The following CALD1 variants were observed in gnomAD, a reference collection of about 807,000 sequenced individuals.
CALD1 encodes the protein caldesmon 1, also known as caldesmon.
CALD1 carries 33 observed loss-of-function variants against 99.9 expected under a neutral mutation model. The ratio of observed to expected loss-of-function variants is 0.33; its 90% CI spans 0.25 to 0.44. CALD1 has a LOEUF of 0.44. Among genes scored for constraint, CALD1 ranks in the 20% least tolerant of loss-of-function variants. CALD1 has a pLI of 1.00. For synonymous variants in CALD1, 310 were observed against 325.0 expected (o/e 0.95, Z 0.50); for missense variants, 861 against 962.1 (o/e 0.89, Z 1.39).
intron 1 of CALD1, among the ~76,000 whole-genome samples, chr7:134,790,755 A>G (rs981976899): frequency 1.3e-5 from 2 of 152,324 alleles, no homozygotes; most frequent in African/African-American, 4.8e-5. Context: ...GGTACCAGAG[A>G]TAGTTTAACA....
rs552187555 is a variant in CALD1, at chr7:134,961,991, T to C, written c.2295+1363T>C. 15 of 151,942 alleles carry C rather than the reference T, an allele frequency of 9.9e-5. No individual in the cohort carries two copies. In the South Asian group the frequency reaches 3.1e-3, roughly 32 times the overall value. The allele number at this position is 151,942 out of a possible 1,614,324, so 9.4% of individuals were successfully genotyped here. A position where few individuals can be genotyped will look rare whatever the true frequency, so the allele number is the denominator to read the frequency against. ...GACCCTCTCCCCCAAAATATACATA[T>C]AAAAAAACAAGGCAGTCTATGGACC... On this transcript the variant is annotated intron_variant, in intron 13 of 14. Coordinates refer to ENST00000361675, the MANE Select transcript of CALD1 (RefSeq NM_033138.4).
chr7:134,827,232 C>G (rs1799033956), intron 1 of CALD1, among the ~76,000 whole-genome samples: 1 of 152,102 alleles, frequency 6.6e-6, no homozygotes, highest in African/African-American at 2.4e-5. Context: ...TAACTTGGCC[C>G]AGGCTGAAAT....
the CALD1 span, among the ~76,000 whole-genome samples, chr7:134,729,344 G>A: frequency 0.15 from 22,991 of 152,152 alleles, 1,885 homozygotes; most frequent in East Asian, 0.22. Context: ...ACTCACCCAT[G>A]GTCACCCAGC....
the CALD1 span, among the ~76,000 whole-genome samples, chr7:134,733,530 C>T: frequency 2.0e-5 from 3 of 152,158 alleles, no homozygotes; most frequent in African/African-American, 7.2e-5. Flanking sequence ...TCTGCTAGGC[C>T]GGGCGCGGTG....
chr7:134,936,982 C>A (rs1742905713), intron 6 of CALD1, among the ~76,000 whole-genome samples: 1 of 152,108 alleles, frequency 6.6e-6, no homozygotes, highest in South Asian at 2.1e-4. Flanking sequence ...CCTACAAATT[C>A]ATTTACAAAA....
chr7:134,820,249 G>A (rs372429824), intron 1 of CALD1, among the ~76,000 whole-genome samples: 130 of 152,310 alleles, frequency 8.5e-4, no homozygotes, highest in East Asian at 7.7e-4. Flanking sequence ...GATCTTGTAC[G>A]TATAGATGGA....
At chr7:134,767,408 T>G (rs1029710054) in intron 1 of CALD1, among the ~76,000 whole-genome samples, 2 of 152,360 alleles carry the variant, frequency 1.3e-5, no homozygotes, top group Middle Eastern at 6.8e-3. Flanking sequence ...AATCTCTAGC[T>G]TCTTGCCTCT....
intron 2 of CALD1, among the ~76,000 whole-genome samples, chr7:134,857,132 C>CAAAG (rs1800335259): frequency 7.1e-6 from 1 of 140,380 alleles, no homozygotes; most frequent in Non-Finnish European, 1.5e-5. Flanking sequence ...GTCAGTTGTT[C>CAAAG]AAAGATCCTA....
At chr7:134,828,896 A>T (rs1164221233) in intron 1 of CALD1, among the ~76,000 whole-genome samples, 2 of 152,184 alleles carry the variant, frequency 1.3e-5, no homozygotes, top group Non-Finnish European at 2.9e-5. Context: ...TCATTCTTTT[A>T]TTCAGAATAT....
At chr7:134,728,344 G>T in the CALD1 span, among the ~76,000 whole-genome samples, 1 of 152,162 alleles carries the variant, frequency 6.6e-6, no homozygotes, top group African/African-American at 2.4e-5. Context: ...AAGATTTATG[G>T]ACAGAAAAAG....
At chr7:134,781,649 C>G (rs192829494) in intron 1 of CALD1, among the ~76,000 whole-genome samples, 3 of 152,158 alleles carry the variant, frequency 2.0e-5, no homozygotes, top group Admixed American at 1.3e-4. Flanking sequence ...CACAAAATTC[C>G]AGAACAAAAA....
At chr7:134,782,975 G>T (rs1797166060) in intron 1 of CALD1, among the ~76,000 whole-genome samples, 1 of 152,134 alleles carries the variant, frequency 6.6e-6, no homozygotes, top group African/African-American at 2.4e-5. Flanking sequence ...GAATAAGATG[G>T]GCCATCAGTG....
chr7:134,757,597 G>C (rs11769520), intron 1 of CALD1, among the ~76,000 whole-genome samples: 63,407 of 151,896 alleles, frequency 0.42, 14,298 homozygotes, highest in East Asian at 0.73. Context: ...TAAAAATATG[G>C]AGGCCAGGTG....
intron 1 of CALD1, among the ~76,000 whole-genome samples, chr7:134,746,440 A>C (rs1796635474): frequency 6.6e-6 from 1 of 152,224 alleles, no homozygotes; most frequent in Admixed American, 6.5e-5. Context: ...TTGTTCTGGC[A>C]GTCCAAACGG....
At chr7:134,711,660 C>CTCTCTCTCTCTCTCTCTATATA in the CALD1 span, among the ~76,000 whole-genome samples, 3 of 78,350 alleles carry the variant, frequency 3.8e-5, no homozygotes, top group Admixed American at 1.4e-4. Context: ...CTCTCTCTCT[C>CTCTCTCTCTCTCTCTCTATATA]TATATATATA....
At chr7:134,776,161 T>C (rs1243999623), upstream of CALD1, among the ~76,000 whole-genome samples, 1 of 151,842 alleles carries the variant, frequency 6.6e-6, no homozygotes, top group Non-Finnish European at 1.5e-5. Context: ...ATCTAGCACA[T>C]TTTTTTAGTT....
intron 3 of CALD1, among the ~76,000 whole-genome samples, chr7:134,877,384 T>C (rs1801401747): frequency 6.6e-6 from 1 of 152,228 alleles, no homozygotes; most frequent in South Asian, 2.1e-4. Flanking sequence ...ATTACCTTTT[T>C]ATTATTAAGA....
intron 3 of CALD1, chr7:134,891,375 C>G (rs1423259236): frequency 8.0e-7 from 1 of 1,248,810 alleles, no homozygotes; most frequent in African/African-American, 1.5e-5. Flanking sequence ...TAACAATCAG[C>G]TCTCTGATGA....
chr7:134,950,570 C>A, intron 9 of CALD1, 56 bp downstream of exon 9: 1 of 1,441,670 alleles, frequency 6.9e-7, no homozygotes, highest in African/African-American at 1.4e-5. Context: ...GGATTTTAGC[C>A]CCTTGTTTAG....
Sources: gnomAD v4.1 joint callset for allele counts (sites outside exome capture counted in the v4.1 genomes callset) on GRCh38, gnomAD v4.1.1 for gene constraint, MANE v1.5 for transcripts, NCBI Gene and HGNC (gene_info 2026-07-23, HGNC 2026-07-21) for gene names.